NCAM2: variants seen among roughly 807,000 people sequenced by gnomAD.
The protein encoded by NCAM2 is N-CAM-2.
A neutral mutation model predicts 98.1 loss-of-function variants in NCAM2; 30 were observed. The observed-to-expected ratio is 0.31, with a 90% CI of 0.23 to 0.41. The LOEUF (loss-of-function observed/expected upper bound fraction) is 0.41. Among genes scored for constraint, NCAM2 ranks in the 10% least tolerant of loss-of-function variants. NCAM2 has a pLI of 1.00. For synonymous variants in NCAM2, 368 were observed against 342.4 expected, an observed-to-expected ratio of 1.07 and a Z score of -0.83; for missense variants, 867 against 1,005.8, an observed-to-expected ratio of 0.86 and a Z score of 1.87.
At chr21:21,531,278 TCA>T (rs1301127497) in intron 16 of NCAM2, among the ~76,000 whole-genome samples, 2 of 152,200 alleles carry the variant, frequency 1.3e-5, no homozygotes, top group African/African-American at 4.8e-5. Flanking sequence ...TAAATTTTTT[TCA>T]GTGTTGACAT....
At chr21:21,424,522 A>G (rs1203207788) in intron 11 of NCAM2, among the ~76,000 whole-genome samples, 1 of 152,156 alleles carries the variant, frequency 6.6e-6, no homozygotes, top group Non-Finnish European at 1.5e-5. Context: ...TTGAGTCTGA[A>G]AGAGGGAGTA....
At chr21:21,278,085 G>T (rs930948595) in intron 1 of NCAM2, among the ~76,000 whole-genome samples, 2 of 151,936 alleles carry the variant, frequency 1.3e-5, no homozygotes. Flanking sequence ...TACAGTTTTA[G>T]GGGAAATAAG....
intron 16 of NCAM2, among the ~76,000 whole-genome samples, chr21:21,522,223 CTA>C (rs1008834550): frequency 4.1e-5 from 6 of 146,568 alleles, no homozygotes; most frequent in Admixed American, 2.1e-4. Context: ...ATATGAATGA[CTA>C]TTATATTTAT....
intron 1 of NCAM2, among the ~76,000 whole-genome samples, chr21:21,259,631 A>G (rs1427815434): frequency 6.6e-6 from 1 of 152,108 alleles, no homozygotes; most frequent in Non-Finnish European, 1.5e-5. Flanking sequence ...CTGCTGCTAG[A>G]ATGGCTTAGT....
intron 1 of NCAM2, among the ~76,000 whole-genome samples, chr21:21,224,193 T>C (rs1429297976): frequency 6.6e-6 from 1 of 152,190 alleles, no homozygotes; most frequent in Non-Finnish European, 1.5e-5. Flanking sequence ...TCTTTAAGAC[T>C]TGAAGGTTTT....
intron 1 of NCAM2, among the ~76,000 whole-genome samples, chr21:21,000,094 C>G (rs2063991437): frequency 1.3e-5 from 2 of 152,152 alleles, no homozygotes; most frequent in South Asian, 4.1e-4. Context: ...TAATACTAGC[C>G]CAATTCGTTA....
chr21:21,354,946 C>T (rs2075432399), intron 8 of NCAM2, among the ~76,000 whole-genome samples: 1 of 152,072 alleles, frequency 6.6e-6, no homozygotes, highest in South Asian at 2.1e-4. Flanking sequence ...AAAATGCTGG[C>T]CTTGGTCTTA....
At chr21:21,209,235 G>A (rs1454249415) in intron 1 of NCAM2, among the ~76,000 whole-genome samples, 1 of 151,934 alleles carries the variant, frequency 6.6e-6, no homozygotes, top group Non-Finnish European at 1.5e-5. Context: ...ATTTACTTAC[G>A]AGATTGGTCT....
intron 15 of NCAM2, among the ~76,000 whole-genome samples, chr21:21,486,164 C>T (rs1016603466): frequency 6.6e-6 from 1 of 151,776 alleles, no homozygotes; most frequent in East Asian, 1.9e-4. Flanking sequence ...ATTAGCCGGG[C>T]GTGGTGGCGG....
chr21:21,437,433 G>T (rs967258366), intron 12 of NCAM2, among the ~76,000 whole-genome samples: 2 of 149,636 alleles, frequency 1.3e-5, no homozygotes, highest in Admixed American at 6.7e-5. Flanking sequence ...CAATGGTTAT[G>T]AATTTTCAAA....
intron 1 of NCAM2, among the ~76,000 whole-genome samples, chr21:21,125,455 TATAG>T (rs1289235236): frequency 3.4e-5 from 2 of 58,338 alleles, no homozygotes; most frequent in African/African-American, 1.0e-4. Flanking sequence ...GTATTACATA[TATAG>T]AGACAGATAT....
chr21:21,136,875 T>G (rs2067066495), intron 1 of NCAM2, among the ~76,000 whole-genome samples: 1 of 148,604 alleles, frequency 6.7e-6, no homozygotes, highest in African/African-American at 2.5e-5. Context: ...TCAAAAGAAA[T>G]TTTGAATGTT....
At chr21:21,510,566 A>G (rs1988304373) in intron 16 of NCAM2, among the ~76,000 whole-genome samples, 1 of 145,200 alleles carries the variant, frequency 6.9e-6, no homozygotes, top group Admixed American at 7.1e-5. Context: ...GCATCTGTTG[A>G]AGCGTGGAAG....
chr21:21,386,624 C>T (rs2076276927), intron 9 of NCAM2, among the ~76,000 whole-genome samples: 1 of 152,088 alleles, frequency 6.6e-6, no homozygotes, highest in East Asian at 1.9e-4. Context: ...TGTGAGCCCC[C>T]TGGGAAAATG....
intron 11 of NCAM2, among the ~76,000 whole-genome samples, chr21:21,423,022 A>G (rs182258642): frequency 7.4e-4 from 112 of 152,282 alleles, no homozygotes; most frequent in African/African-American, 2.5e-3. Context: ...CATTTTAAAT[A>G]TTATTATCAA....
chr21:21,196,836 T>G (rs2069020650), intron 1 of NCAM2, among the ~76,000 whole-genome samples: 1 of 152,196 alleles, frequency 6.6e-6, no homozygotes, highest in Non-Finnish European at 1.5e-5. Context: ...TGGCAGGTGA[T>G]TGGATCATGG....
At chr21:21,087,898 C>T (rs540782115) in intron 1 of NCAM2, among the ~76,000 whole-genome samples, 15 of 152,126 alleles carry the variant, frequency 9.9e-5, no homozygotes, top group African/African-American at 3.6e-4. Flanking sequence ...CACAGGGAAT[C>T]GATATAAGAG....
intron 1 of NCAM2, among the ~76,000 whole-genome samples, chr21:21,011,831 A>C (rs903579209): frequency 6.6e-6 from 1 of 152,178 alleles, no homozygotes; most frequent in Non-Finnish European, 1.5e-5. Context: ...CAAACAACTG[A>C]GTAGATATCT....
At chr21:21,507,569 G>A (rs1009245972) in intron 15 of NCAM2, among the ~76,000 whole-genome samples, 3 of 151,886 alleles carry the variant, frequency 2.0e-5, no homozygotes, top group Admixed American at 1.3e-4. Flanking sequence ...CAAGGCGGGC[G>A]GATCACGAGG....
Sources: allele counts gnomAD v4.1 joint callset (sites outside exome capture counted in the v4.1 genomes callset), GRCh38; gene constraint gnomAD v4.1.1; transcripts MANE v1.5; gene names NCBI Gene and HGNC (gene_info 2026-07-23, HGNC 2026-07-21).